The following POGK variants were observed in gnomAD, a reference collection of about 807,000 sequenced individuals.
The protein encoded by POGK is pogo transposable element derived with KRAB domain.
POGK carries 16 observed loss-of-function variants against 54.4 expected under a neutral mutation model. That is an observed-to-expected ratio of 0.29 (90% CI 0.20 to 0.45). The LOEUF (loss-of-function observed/expected upper bound fraction) is 0.45. POGK is among the 20% of genes least tolerant of loss of function. The pLI, the probability that POGK is intolerant of heterozygous loss-of-function variation, is 1.00. For missense variants in POGK, 515 were observed against 795.6 expected (o/e 0.65, Z 4.24); for synonymous variants, 271 against 302.2 (o/e 0.90, Z 1.07).
chr1:166,845,893 C>T (rs1161644921), intron 2 of POGK, among the ~76,000 whole-genome samples: 1 of 152,170 alleles, frequency 6.6e-6, no homozygotes, highest in Non-Finnish European at 1.5e-5. Context: ...GGGCTTTCTG[C>T]CTACCTGGTC....
Position 166,849,076 on chromosome 1 carries a change from A to T in POGK, c.497A>T (p.Glu166Val). Residue 166 changes from glutamate to valine, a missense_variant, in exon 5 of 6, where the codon GAG becomes GTG. Transcript: ENST00000367876. ...RDITELPEWS[E>V]GYPFYMAMGF... Reference sequence around the variant, plus strand: ...ATCACAGAGCTGCCCGAGTGGAGTGAGGGGTACCCCTTCTACATGGCCATG... The same window carrying T: ...ATCACAGAGCTGCCCGAGTGGAGTGTGGGGTACCCCTTCTACATGGCCATG... 1.2e-6 allele frequency: 2 copies of T among 1,614,140 alleles called. No homozygotes were observed. Among genetic ancestry groups the T allele is most frequent in the Non-Finnish European group, 8.5e-7 (1 of 1,180,014 alleles).
intron 5 of POGK, 194 bp from the exon 6 acceptor site, chr1:166,852,391 A>G (rs1470888808): frequency 1.3e-5 from 2 of 152,220 alleles, no homozygotes; most frequent in Non-Finnish European, 2.9e-5. Context: ...GTCTGCCACA[A>G]TTCTCTCTGC....
In POGK at chr1:166,850,487, C is replaced by A. The variant is rs916497624; in HGVS notation, c.*14+64C>A. On this transcript the variant is annotated intron_variant, in intron 5 of 5. Coordinates refer to ENST00000367876, the MANE Select transcript of POGK (RefSeq NM_017542.5). ...CATGTCTGTGTTCTACAAACACCTTCTCTCCATTATTTTTCTGTTTTTAAG... is the reference window on the plus strand; with the variant it reads ...CATGTCTGTGTTCTACAAACACCTTATCTCCATTATTTTTCTGTTTTTAAG... The A allele has an allele frequency of 4.0e-6, 6 of 1,483,432 alleles. No individual in the cohort carries two copies. The Admixed American group carries it at 1.1e-4, about 28-fold the overall frequency. The allele number at this position is 1,483,432 out of a possible 1,614,324, so 91.9% of individuals were successfully genotyped here.
chr1:166,850,299 A>G lies in POGK; in HGVS notation c.1720A>G (p.Ser574Gly). ...VQGFKKCHIS[S>G]NLEEEDDVLW... Reference sequence around the variant, plus strand: ...AGGGTTCAAGAAGTGCCATATCTCCAGCAACTTGGAGGAGGAAGACGATGT... The same window carrying G: ...AGGGTTCAAGAAGTGCCATATCTCCGGCAACTTGGAGGAGGAAGACGATGT... The change falls in exon 5 of 6, where the codon AGC becomes GGC. Residue 574 changes from serine (S) to glycine (G), a missense_variant. By Grantham distance (56) the Ser-to-Gly change is moderately conservative. Around this residue, in one of 2 missense-constraint regions of POGK, gnomAD observed 461 missense variants for 743.5 expected, o/e 0.62. Transcript: ENST00000367876. 2 of 1,603,100 alleles carry G rather than the reference A, an allele frequency of 1.2e-6. No homozygotes were observed. The highest frequency in any genetic ancestry group is 2.2e-5 in the East Asian group (1 of 44,666).
intron 2 of POGK, among the ~76,000 whole-genome samples, chr1:166,845,920 G>C (rs1250150419): frequency 1.3e-5 from 2 of 152,160 alleles, no homozygotes; most frequent in Admixed American, 1.3e-4. Context: ...CAAAGTGAAT[G>C]AGTTTGCTCT....
chr1:166,844,365 A>G (rs896726498), intron 2 of POGK, among the ~76,000 whole-genome samples: 2 of 152,206 alleles, frequency 1.3e-5, no homozygotes, highest in Non-Finnish European at 2.9e-5. Flanking sequence ...GGAACTTCCC[A>G]GGGAGAAAAA....
chr1:166,842,753 G>A (rs1052877401), intron 2 of POGK, among the ~76,000 whole-genome samples: 11 of 152,062 alleles, frequency 7.2e-5, no homozygotes, highest in Non-Finnish European at 1.6e-4. Flanking sequence ...GTGGGGGTGC[G>A]TTGGGGACTG....
rs1254580046 is a variant in POGK at position 166,855,684 on chromosome 1, T to C, written c.*3114T>C. 2 of 152,360 alleles carry C rather than the reference T, an allele frequency of 1.3e-5. No individual in the cohort carries two copies. Among genetic ancestry groups the C allele is most frequent in the African/African-American group, 4.8e-5 (2 of 41,446 alleles). 9.4% of individuals were successfully genotyped at this position (152,360 alleles called of 1,614,324 possible). On this transcript the variant is annotated 3_prime_UTR_variant, in exon 6 of 6. Transcript: ENST00000367876. ...TAGGTGACTAGGAATTCAGGCCAGG[T>C]CCTAGAGAGTAGTGAGAAGTTTTCC...
At position 166,847,611 on chromosome 1, in the gene POGK, T is replaced by G; in HGVS notation, c.358+19T>G. Reference sequence around the variant, plus strand: ...TCTGCAGGTACTACAAGTAAAGCAGTTCAGCGTCCATCCAGCTGGGAACAT... The same window carrying G: ...TCTGCAGGTACTACAAGTAAAGCAGGTCAGCGTCCATCCAGCTGGGAACAT... On this transcript the variant is annotated intron_variant, in intron 4 of 5. Transcript: ENST00000367876. The G allele has an allele frequency of 1.3e-6, 2 of 1,584,118 alleles. No individual in the cohort carries two copies. The highest frequency in any genetic ancestry group is 1.7e-6 in the Non-Finnish European group (2 of 1,153,486).
At chr1:166,843,168 G>C (rs1172802619) in intron 2 of POGK, among the ~76,000 whole-genome samples, 1 of 152,242 alleles carries the variant, frequency 6.6e-6, no homozygotes, top group Non-Finnish European at 1.5e-5. Flanking sequence ...TTCCAGGCAA[G>C]AGGACAGCAC....
In POGK at chr1:166,849,670, A is replaced by G; in HGVS notation, c.1091A>G (p.Asp364Gly). ...DYEVAQMGNA[D>G]ETPICLEVPS... ...GAGGTAGCTCAGATGGGGAATGCAG[A>G]TGAGACGCCCATTTGTTTAGAGGTG... Residue 364 changes from aspartate (D) to glycine (G), a missense_variant, in exon 5 of 6, where the codon GAT (aspartate) becomes GGT (glycine). Asp to Gly is a moderately conservative substitution (Grantham distance 94). This residue lies in a region of POGK where 461 missense variants were observed against 743.5 expected (regional missense o/e 0.62). Coordinates refer to ENST00000367876, the MANE Select transcript of POGK (RefSeq NM_017542.5). 1 of 1,614,290 alleles carries G rather than the reference A, an allele frequency of 6.2e-7. No individual in the cohort carries two copies. Among genetic ancestry groups the G allele is most frequent in the Non-Finnish European group, 8.5e-7 (1 of 1,180,056 alleles).
At chr1:166,842,650 C>T (rs1198810336) in intron 2 of POGK, among the ~76,000 whole-genome samples, 1 of 152,188 alleles carries the variant, frequency 6.6e-6, no homozygotes, top group African/African-American at 2.4e-5. Flanking sequence ...TGCCCCCACC[C>T]CTGGACATTT....
At chr1:166,839,631 G>A (rs1237350277) in intron 1 of POGK, 27 bp downstream of exon 1, 4 of 146,286 alleles carry the variant, frequency 2.7e-5, no homozygotes, top group Admixed American at 6.8e-5. Flanking sequence ...GGGGGCGGCG[G>A]CGGCGCGGCC....
rs1171271297 is a variant in POGK, at chr1:166,854,426, G to A, written c.*1856G>A. ...TATTGAGATATAGTTGTACTCCCTA[G>A]TAGATAGGAACTGACCCCAACAATA... On this transcript the variant is annotated 3_prime_UTR_variant, in exon 6 of 6. Coordinates refer to ENST00000367876, the MANE Select transcript of POGK (RefSeq NM_017542.5). 6.6e-6 allele frequency: 1 copy of A among 152,570 alleles called. No individual in the cohort carries two copies. The highest frequency in any genetic ancestry group is 1.5e-5 in the Non-Finnish European group (1 of 68,046). 9.5% of individuals were successfully genotyped at this position (152,570 alleles called of 1,614,324 possible).
chr1:166,849,329 A>C lies in POGK; in HGVS notation c.750A>C (p.Ala250=). The C allele has an allele frequency of 6.2e-7, 1 of 1,614,034 alleles. No individual in the cohort carries two copies. ...QLQNAHAMRR[A]FRGPKNGRFA... The stretch of plus-strand genomic sequence containing the variant: ...AAAACGCCCACGCCATGCGGCGGGC[A>C]TTCCGAGGCCCCAAGAATGGGAGGT... Residue 250 remains alanine (A), a synonymous_variant, in exon 5 of 6, where the codon GCA becomes GCC. Coordinates refer to ENST00000367876, the MANE Select transcript of POGK (RefSeq NM_017542.5).
intron 1 of POGK, 30 bp from the exon 2 acceptor site, chr1:166,840,925 G>A (rs1657474561): frequency 6.2e-7 from 1 of 1,612,786 alleles, no homozygotes. Context: ...AGTGACACCT[G>A]GTTTTTCTGA....
chr1:166,843,561 G>A (rs947869132), intron 2 of POGK, among the ~76,000 whole-genome samples: 2 of 152,138 alleles, frequency 1.3e-5, no homozygotes, highest in African/African-American at 4.8e-5. Context: ...CTAGTTTAGC[G>A]GATTCAGTGA....
rs983445596 is a variant in POGK, at chr1:166,855,299, A to G, written c.*2729A>G. 3 of 152,208 alleles carry G rather than the reference A, an allele frequency of 2.0e-5. No homozygotes were observed. Among genetic ancestry groups the G allele is most frequent in the Non-Finnish European group, 2.9e-5 (2 of 68,026 alleles). 9.4% of individuals were successfully genotyped at this position (152,208 alleles called of 1,614,324 possible). A position where few individuals can be genotyped will look rare whatever the true frequency, so the allele number is the denominator to read the frequency against. On this transcript the variant is annotated 3_prime_UTR_variant, in exon 6 of 6. Coordinates refer to ENST00000367876, the MANE Select transcript of POGK (RefSeq NM_017542.5). ...AGTTTTATTCTAAGTCTGAAATTAT[A>G]TGGTTTCCAACAGCTTTTTCCCTCG... is the stretch of plus-strand genomic sequence containing the variant.
chr1:166,841,567 G>A (rs1657514844), intron 2 of POGK, among the ~76,000 whole-genome samples: 2 of 152,236 alleles, frequency 1.3e-5, no homozygotes, highest in African/African-American at 4.8e-5. Flanking sequence ...ATGGTGGGCA[G>A]CAGGGAATAC....
Sources: gnomAD v4.1 joint callset for allele counts (sites outside exome capture counted in the v4.1 genomes callset) on GRCh38, gnomAD v4.1.1 for gene constraint, gnomAD v4.1.1 regional missense constraint, MANE v1.5 for transcripts, NCBI Gene and HGNC (gene_info 2026-07-23, HGNC 2026-07-21) for gene names.